EZH2: variants seen among roughly 807,000 people sequenced by gnomAD.
EZH2 encodes enhancer of zeste 2 polycomb repressive complex 2 subunit.
Under a neutral mutation model 98.4 loss-of-function variants are expected in EZH2, and 18 were observed. The observed-to-expected ratio is 0.18, with a 90% confidence interval of 0.13 to 0.27. EZH2 has a LOEUF of 0.27. Among genes scored for constraint, EZH2 ranks in the 10% least tolerant of loss-of-function variants. The pLI is 1.00. For synonymous variants in EZH2, 338 were observed against 312.3 expected (o/e 1.08, Z -0.87); for missense variants, 470 against 935.1 (o/e 0.50, Z 6.49).
At chr7:148,871,403 TAAAAA>T (rs71529646) in intron 1 of EZH2, among the ~76,000 whole-genome samples, 1,516 of 88,758 alleles carry the variant, frequency 0.017, 31 homozygotes, top group African/African-American at 0.06. Flanking sequence ...GACGAATAAT[TAAAAA>T]AAAAAAAAAA....
intron 1 of EZH2, among the ~76,000 whole-genome samples, chr7:148,867,553 TAC>T (rs1171399463): frequency 1.3e-5 from 2 of 152,218 alleles, no homozygotes; most frequent in East Asian, 1.9e-4. Flanking sequence ...ATATAATTCC[TAC>T]AGTTACCTTC....
intron 8 of EZH2, among the ~76,000 whole-genome samples, chr7:148,824,115 G>C (rs1306216251): frequency 6.7e-6 from 1 of 148,782 alleles, no homozygotes; most frequent in Non-Finnish European, 1.5e-5. Context: ...AGGAGTTCAA[G>C]ACCAGCCTGG....
chr7:148,821,548 G>A (rs755340888), intron 8 of EZH2, among the ~76,000 whole-genome samples: 4 of 152,132 alleles, frequency 2.6e-5, no homozygotes, highest in Non-Finnish European at 5.9e-5. Context: ...ATATAGGCTG[G>A]GTGCAGTGGC....
chr7:148,872,994 A>G (rs183718269), intron 1 of EZH2, among the ~76,000 whole-genome samples: 341 of 152,274 alleles, frequency 2.2e-3, no homozygotes, highest in Middle Eastern at 0.014. Flanking sequence ...TGGGCAACAT[A>G]TAAGACCCCA....
chr7:148,877,215 T>TA (rs1820293614), intron 1 of EZH2, among the ~76,000 whole-genome samples: 1 of 152,196 alleles, frequency 6.6e-6, no homozygotes, highest in African/African-American at 2.4e-5. Flanking sequence ...ACCAAACCGT[T>TA]AAAGGTAGCG....
chr7:148,881,316 G>A (rs1820921738), intron 1 of EZH2, among the ~76,000 whole-genome samples: 1 of 152,150 alleles, frequency 6.6e-6, no homozygotes, highest in African/African-American at 2.4e-5. Flanking sequence ...AAGAAGGAAG[G>A]TATCCTGGGA....
rs1229497581 is a variant in EZH2 at position 148,883,172 on chromosome 7, G to A, written c.-8+992C>T. 2.0e-5 allele frequency: 3 copies of A among 152,180 alleles called. 1 individual carries two copies. Among genetic ancestry groups the A allele is most frequent in the Admixed American group, 2.0e-4 (3 of 15,278 alleles). 9.4% of individuals were successfully genotyped at this position (152,180 alleles called of 1,614,324 possible). ...ACAGCTTGTAATGTTTAAGGATTAC[G>A]ATTCTTTAGAAAGTGGCAACTCACT... On this transcript the variant is annotated intron_variant, in intron 1 of 19. Transcript: ENST00000320356.
chr7:148,826,765 G>A, intron 7 of EZH2, 133 bp from the exon 8 acceptor site: 1 of 587,580 alleles, frequency 1.7e-6, no homozygotes, highest in Non-Finnish European at 2.6e-6. Flanking sequence ...GCTCTATTTA[G>A]ATAAAGAGCC....
intron 15 of EZH2, 142 bp from the exon 16 acceptor site, chr7:148,811,862 C>T: frequency 1.5e-6 from 1 of 645,196 alleles, no homozygotes; most frequent in Non-Finnish European, 2.7e-6. Context: ...GGGCACACAG[C>T]TTCAGTCAAC....
chr7:148,858,473 A>C (rs1192224527), intron 1 of EZH2, among the ~76,000 whole-genome samples: 1 of 152,040 alleles, frequency 6.6e-6, no homozygotes, highest in Non-Finnish European at 1.5e-5. Flanking sequence ...ACTTTTATAA[A>C]TCTTAACTTC....
chr7:148,878,344 T>C (rs1338415323), intron 1 of EZH2, among the ~76,000 whole-genome samples: 1 of 152,214 alleles, frequency 6.6e-6, no homozygotes, highest in Non-Finnish European at 1.5e-5. Context: ...AACTACCTCA[T>C]ATAAATGAGA....
chr7:148,842,936 G>A lies in EZH2; in HGVS notation c.246+3534C>T, dbSNP rs116515500. On this transcript the variant is annotated intron_variant, in intron 3 of 19. Transcript: ENST00000320356. ...ACAAAAAAATTAGCCCGATGTGCTC[G>A]GTGGCTCACACTTGTAATCCCAGCA... Among the ~76,000 whole-genome samples, 9 of 152,032 alleles carry A rather than the reference G, an allele frequency of 5.9e-5. No individual in the cohort carries two copies. In the South Asian group the frequency reaches 6.2e-4, roughly 11 times the overall value.
intron 1 of EZH2, among the ~76,000 whole-genome samples, chr7:148,874,597 ATT>A (rs985478891): frequency 6.6e-6 from 1 of 151,992 alleles, no homozygotes; most frequent in Non-Finnish European, 1.5e-5. Context: ...TGCTTTATAT[ATT>A]TTTTTCTTTG....
At chr7:148,809,506 C>A in intron 17 of EZH2, 116 bp from the exon 18 acceptor site, 1 of 684,980 alleles carries the variant, frequency 1.5e-6, no homozygotes, top group South Asian at 2.1e-5. Context: ...CCTGCAAAAG[C>A]AAATAAATCA....
intron 8 of EZH2, among the ~76,000 whole-genome samples, chr7:148,824,194 A>G (rs1214579811): frequency 2.0e-5 from 3 of 152,126 alleles, no homozygotes; most frequent in Non-Finnish European, 4.4e-5. Flanking sequence ...GGGCGCCTGT[A>G]ATCCCAGCTA....
At chr7:148,868,779 A>G (rs963277203) in intron 1 of EZH2, among the ~76,000 whole-genome samples, 3 of 152,142 alleles carry the variant, frequency 2.0e-5, no homozygotes, top group Non-Finnish European at 4.4e-5. Flanking sequence ...AGAATAAGAG[A>G]ATATCTCATT....
intron 9 of EZH2, among the ~76,000 whole-genome samples, chr7:148,819,393 A>T (rs888477601): frequency 6.6e-6 from 1 of 152,330 alleles, no homozygotes; most frequent in Non-Finnish European, 1.5e-5. Flanking sequence ...CACAGATTTT[A>T]AAAAGAATAA....
At chr7:148,848,722 T>C (rs1324905980) in intron 1 of EZH2, among the ~76,000 whole-genome samples, 4 of 152,174 alleles carry the variant, frequency 2.6e-5, no homozygotes, top group Admixed American at 1.3e-4. Context: ...ATACAAATAT[T>C]ATTAAATCCT....
chr7:148,808,639 G>A (rs967771737), intron 19 of EZH2, among the ~76,000 whole-genome samples: 24 of 152,182 alleles, frequency 1.6e-4, no homozygotes, highest in African/African-American at 5.1e-4. Context: ...TGTGTAATAA[G>A]TATTATAGCA....
Sources: allele counts gnomAD v4.1 joint callset (sites outside exome capture counted in the v4.1 genomes callset), GRCh38; gene constraint gnomAD v4.1.1; transcripts MANE v1.5; gene names NCBI Gene and HGNC (gene_info 2026-07-23, HGNC 2026-07-21).